PPA2: variants seen among roughly 807,000 people sequenced by gnomAD.
PPA2 encodes inorganic pyrophosphatase 2, mitochondrial.
PPA2 carries 48 observed loss-of-function variants against 49.5 expected under a neutral mutation model. The ratio of observed to expected loss-of-function variants is 0.97; its 90% CI spans 0.77 to 1.23. The LOEUF (loss-of-function observed/expected upper bound fraction) is 1.23. PPA2 is among the 50% of genes most tolerant of loss of function. The pLI, the probability that PPA2 is intolerant of heterozygous loss-of-function variation, is 0.00. For synonymous variants in PPA2, 131 were observed against 139.9 expected (o/e 0.94, Z 0.45); for missense variants, 429 against 410.1 (o/e 1.05, Z -0.40).
chr4:105,464,748 C>T (rs1723233247), intron 1 of PPA2, among the ~76,000 whole-genome samples: 1 of 152,192 alleles, frequency 6.6e-6, no homozygotes, highest in African/African-American at 2.4e-5. Context: ...CCATATGATA[C>T]ATGCCCTTCA....
chr4:105,375,553 T>C (rs1560602235), intron 10 of PPA2, among the ~76,000 whole-genome samples: 1 of 152,174 alleles, frequency 6.6e-6, no homozygotes, highest in Admixed American at 6.6e-5. Context: ...TTGATGGAGA[T>C]ACAGCTTTGA....
chr4:105,442,022 TAA>T (rs1255539355), intron 5 of PPA2, among the ~76,000 whole-genome samples: 3 of 144,226 alleles, frequency 2.1e-5, no homozygotes, highest in Non-Finnish European at 4.6e-5. Context: ...TTTTTTTTTT[TAA>T]GAGAGGGTTT....
chr4:105,369,576 T>C lies in PPA2; in HGVS notation c.*149A>G. The C allele has an allele frequency of 1.5e-6, 1 of 659,600 alleles. No homozygotes were observed. The highest frequency in any genetic ancestry group is 2.6e-6 in the Non-Finnish European group (1 of 388,480). The allele number at this position is 659,600 out of a possible 1,614,324, so 40.9% of individuals were successfully genotyped here. On this transcript the variant is annotated 3_prime_UTR_variant, in exon 12 of 12. Transcript: ENST00000341695. The stretch of plus-strand genomic sequence containing the variant: ...CCAAAGGAGAGTAATTTAAAATTCT[T>C]ACTGTTTATTTATATATTGCATAGC...
At chr4:105,382,122 T>A (rs144790230) in intron 10 of PPA2, among the ~76,000 whole-genome samples, 3 of 151,990 alleles carry the variant, frequency 2.0e-5, no homozygotes, top group Non-Finnish European at 2.9e-5. Flanking sequence ...ATTTTAGTTT[T>A]AAATATAAAT....
chr4:105,447,492 C>T (rs147753329), intron 4 of PPA2, among the ~76,000 whole-genome samples: 12 of 152,222 alleles, frequency 7.9e-5, no homozygotes, highest in African/African-American at 2.2e-4. Flanking sequence ...TAGTTAATAA[C>T]GTACATTTCA....
intron 7 of PPA2, among the ~76,000 whole-genome samples, chr4:105,402,795 G>A (rs1467370242): frequency 6.6e-6 from 1 of 152,156 alleles, no homozygotes; most frequent in Non-Finnish European, 1.5e-5. Context: ...AGTCTACTTA[G>A]GTGAACTATG....
chr4:105,400,264 A>G (rs1241464086), intron 7 of PPA2, among the ~76,000 whole-genome samples: 1 of 151,478 alleles, frequency 6.6e-6, no homozygotes, highest in Non-Finnish European at 1.5e-5. Context: ...TCCTTGAACG[A>G]ACGGTTTTCT....
intron 9 of PPA2, among the ~76,000 whole-genome samples, chr4:105,388,040 A>G (rs1057391840): frequency 6.7e-5 from 10 of 149,850 alleles, no homozygotes; most frequent in African/African-American, 2.5e-4. Flanking sequence ...GAAATTCTGG[A>G]AAAATGAAGG....
rs373889434 is a variant in PPA2, at chr4:105,420,609, T to C, written c.655+3587A>G. Among the ~76,000 whole-genome samples the C allele has an allele frequency of 2.5e-4, 38 of 152,336 alleles. 1 individual carries two copies. In the South Asian group the frequency reaches 7.9e-3, roughly 32 times the overall value. On this transcript the variant is annotated intron_variant, in intron 7 of 11. Coordinates refer to ENST00000341695, the MANE Select transcript of PPA2 (RefSeq NM_176869.3). The stretch of plus-strand genomic sequence containing the variant: ...GCCAAGAAGTATAGATGACAAATGT[T>C]TAAACGGTCATAAAATATAAAATCA...
intron 5 of PPA2, among the ~76,000 whole-genome samples, chr4:105,440,396 G>C (rs959382633): frequency 4.1e-4 from 63 of 151,894 alleles, no homozygotes; most frequent in Non-Finnish European, 6.3e-4. Flanking sequence ...CAAGTGGCTG[G>C]AACTACAGGC....
intron 7 of PPA2, among the ~76,000 whole-genome samples, chr4:105,404,798 C>G (rs528370181): frequency 1.3e-5 from 2 of 152,194 alleles, no homozygotes; most frequent in East Asian, 3.9e-4. Flanking sequence ...AATAAATACA[C>G]AGGCCAGGCA....
Position 105,396,284 on chromosome 4 carries a change from C to A in PPA2, c.834G>T (p.Leu278Phe). Residue 278 changes from leucine (L) to phenylalanine (F), a missense_variant, in exon 9 of 12, where the codon TTG (leucine) becomes TTT (phenylalanine). Transcript: ENST00000341695. ...IKSTHQCWKA[L>F]LMKKCNGGAI... ...CTCCTCCATTACACTTCTTCATAAG[C>A]AATGCTTTCCAACATTGATGAGTGG... is the stretch of plus-strand genomic sequence containing the variant. 1.9e-6 allele frequency: 3 copies of A among 1,597,342 alleles called. No individual in the cohort carries two copies. Among genetic ancestry groups the A allele is most frequent in the Non-Finnish European group, 2.6e-6 (3 of 1,172,452 alleles).
intron 7 of PPA2, among the ~76,000 whole-genome samples, chr4:105,418,758 C>T (rs150369736): frequency 1.3e-3 from 191 of 152,308 alleles, no homozygotes; most frequent in African/African-American, 4.5e-3. Flanking sequence ...CTTCATTGCT[C>T]TGCAAGTTGA....
intron 7 of PPA2, among the ~76,000 whole-genome samples, chr4:105,410,057 A>G (rs542647595): frequency 6.6e-6 from 1 of 152,348 alleles, no homozygotes; most frequent in South Asian, 2.1e-4. Context: ...CTGGATGGAG[A>G]ATGAGTTTGA....
At chr4:105,371,380 T>C (rs1234876083) in intron 10 of PPA2, among the ~76,000 whole-genome samples, 1 of 152,190 alleles carries the variant, frequency 6.6e-6, no homozygotes, top group African/African-American at 2.4e-5. Context: ...ATAGTTTTTT[T>C]CCCCATAATT....
At chr4:105,434,460 CA>C (rs966666281) in intron 6 of PPA2, among the ~76,000 whole-genome samples, 14 of 151,976 alleles carry the variant, frequency 9.2e-5, no homozygotes, top group African/African-American at 2.9e-4. Flanking sequence ...TGGGTTGCCA[CA>C]ACTGGGGAGG....
At chr4:105,377,776 T>G (rs1733317027) in intron 10 of PPA2, among the ~76,000 whole-genome samples, 1 of 152,168 alleles carries the variant, frequency 6.6e-6, no homozygotes, top group African/African-American at 2.4e-5. Flanking sequence ...TCCTAAAATT[T>G]TATATAAATG....
intron 1 of PPA2, among the ~76,000 whole-genome samples, chr4:105,456,956 G>A (rs1722898220): frequency 6.6e-6 from 1 of 151,910 alleles, no homozygotes; most frequent in Non-Finnish European, 1.5e-5. Context: ...CCATATTTGG[G>A]TTGCTGAAAT....
chr4:105,431,788 T>G (rs1723810459), intron 6 of PPA2, among the ~76,000 whole-genome samples: 1 of 152,154 alleles, frequency 6.6e-6, no homozygotes, highest in South Asian at 2.1e-4. Flanking sequence ...ACAACATGGA[T>G]GAATCTCAAA....
Sources: gnomAD v4.1 joint callset for allele counts (sites outside exome capture counted in the v4.1 genomes callset) on GRCh38, gnomAD v4.1.1 for gene constraint, MANE v1.5 for transcripts, NCBI Gene and HGNC (gene_info 2026-07-23, HGNC 2026-07-21) for gene names.